Variants in APBA2 observed in about 807,000 individuals in gnomAD.
APBA2 encodes amyloid beta precursor protein binding family A member 2.
Under a neutral mutation model 75.0 loss-of-function variants are expected in APBA2, and 30 were observed. The ratio of observed to expected loss-of-function variants is 0.40; its 90% CI spans 0.30 to 0.54. The LOEUF (loss-of-function observed/expected upper bound fraction) is 0.54. Ranked by LOEUF, APBA2 falls within the 20% of genes least tolerant of loss-of-function variation. The pLI is 0.49. For synonymous variants in APBA2, 444 were observed against 409.6 expected (o/e 1.08, Z -1.01); for missense variants, 801 against 1,016.1 (o/e 0.79, Z 2.88).
At chr15:29,096,206 C>G (rs1360715666) in intron 8 of APBA2, among the ~76,000 whole-genome samples, 1 of 152,226 alleles carries the variant, frequency 6.6e-6, no homozygotes, top group African/African-American at 2.4e-5. Context: ...CATGCCGAGG[C>G]CCACCCTGTG....
At chr15:29,115,842 T>C (rs1449583439) in intron 14 of APBA2, among the ~76,000 whole-genome samples, 1 of 152,154 alleles carries the variant, frequency 6.6e-6, no homozygotes, top group Non-Finnish European at 1.5e-5. Context: ...AGCTGCGCGA[T>C]GTGCCTTTCT....
intron 3 of APBA2, among the ~76,000 whole-genome samples, chr15:29,002,805 G>C (rs543620097): frequency 4.6e-4 from 70 of 152,266 alleles, no homozygotes; most frequent in African/African-American, 1.6e-3. Flanking sequence ...CGTCTTGGTG[G>C]CCGCATACTG....
At chr15:29,006,763 C>T (rs2039138721) in intron 3 of APBA2, among the ~76,000 whole-genome samples, 2 of 152,298 alleles carry the variant, frequency 1.3e-5, no homozygotes, top group South Asian at 4.2e-4. Flanking sequence ...CTACCTGGCC[C>T]CACCCTTGAC....
In APBA2 at chr15:28,918,082, G is replaced by A. The variant is rs1173414024; in HGVS notation, c.-204-3558G>A. On this transcript the variant is annotated intron_variant, in intron 1 of 14. Transcript: ENST00000683413. The surrounding 1 kb of genome is among the most constrained non-coding windows in gnomAD (Gnocchi z 4.2). ...TGCCCAGATAGGGATAAGAATCACC[G>A]CGAGTGTTTGCTGAGCACTTGGGAG... 3.9e-5 allele frequency among the ~76,000 whole-genome samples: 6 copies of A among 152,210 alleles called. No individual in the cohort carries two copies. Among genetic ancestry groups the A allele is most frequent in the Non-Finnish European group, 5.9e-5 (4 of 68,038 alleles).
chr15:29,101,414 T>C (rs2152962415), intron 9 of APBA2, among the ~76,000 whole-genome samples, 185 bp from the exon 10 acceptor site: 1 of 152,206 alleles, frequency 6.6e-6, no homozygotes, highest in Middle Eastern at 3.4e-3. Context: ...ATATTTTTAG[T>C]AGAGATGGGG....
chr15:29,025,927 G>C (rs193230154), intron 3 of APBA2, among the ~76,000 whole-genome samples: 3 of 150,486 alleles, frequency 2.0e-5, no homozygotes, highest in Admixed American at 6.6e-5. Flanking sequence ...CTCCAGCCTG[G>C]GCGACAGAGC....
intron 3 of APBA2, among the ~76,000 whole-genome samples, chr15:29,000,439 T>C (rs894186146): frequency 2.6e-5 from 4 of 152,184 alleles, no homozygotes; most frequent in African/African-American, 9.7e-5. Context: ...AACCCCTGGA[T>C]GTAGGCACAC....
At chr15:29,108,206 C>G in intron 12 of APBA2, 64 bp from the exon 13 acceptor site, 2 of 1,609,906 alleles carry the variant, frequency 1.2e-6, no homozygotes, top group Non-Finnish European at 1.7e-6. Context: ...GCCAGCCTCG[C>G]TCATCCTGGG....
At chr15:28,941,672 G>A (rs1327898704) in intron 2 of APBA2, among the ~76,000 whole-genome samples, 2 of 152,230 alleles carry the variant, frequency 1.3e-5, no homozygotes, top group East Asian at 1.9e-4. Context: ...GCTGGGTCCC[G>A]AGGGCTGGAG....
intron 2 of APBA2, among the ~76,000 whole-genome samples, chr15:28,963,947 C>T (rs1437029569): frequency 2.0e-5 from 3 of 152,146 alleles, no homozygotes; most frequent in Non-Finnish European, 4.4e-5. Flanking sequence ...CTTCATGTAA[C>T]CACCACCACA....
At chr15:29,112,007 C>T (rs1482115355) in intron 13 of APBA2, among the ~76,000 whole-genome samples, 3 of 152,214 alleles carry the variant, frequency 2.0e-5, no homozygotes, top group Non-Finnish European at 4.4e-5. Flanking sequence ...CTGCTGTCCC[C>T]GGCCCTGCAG....
chr15:29,117,385 C>T lies in APBA2; in HGVS notation c.*252C>T. 3.5e-6 allele frequency: 2 copies of T among 566,190 alleles called. No homozygotes were observed. The highest frequency in any genetic ancestry group is 6.3e-6 in the Non-Finnish European group (2 of 315,594). 35.1% of individuals were successfully genotyped at this position (566,190 alleles called of 1,614,324 possible). ...TCCAAGTATTTTGCCACGTTCTGGA[C>T]TGTCTTCTCCCTGCACAAGCCAGGG... On this transcript the variant is annotated 3_prime_UTR_variant, in exon 15 of 15. Coordinates refer to ENST00000683413, the MANE Select transcript of APBA2 (RefSeq NM_001353788.2).
At chr15:28,940,270 T>C (rs2035120050) in intron 2 of APBA2, among the ~76,000 whole-genome samples, 1 of 146,098 alleles carries the variant, frequency 6.8e-6, no homozygotes, top group Non-Finnish European at 1.5e-5. Context: ...CCCAGCACTT[T>C]GGGAGGCCGA....
intron 3 of APBA2, among the ~76,000 whole-genome samples, chr15:29,005,864 A>AAAATAAAT (rs3054523): frequency 2.6e-5 from 4 of 151,320 alleles, no homozygotes; most frequent in Non-Finnish European, 2.9e-5. Flanking sequence ...ACTCTGTCTC[A>AAAATAAAT]AAATAAATAA....
chr15:29,093,109 C>T lies in APBA2; in HGVS notation c.1104C>T (p.Asp368=), dbSNP rs142834940. The change falls in exon 7 of 15, where the codon GAC becomes GAT. Residue 368 remains aspartate (D), a synonymous_variant. Coordinates refer to ENST00000683413, the MANE Select transcript of APBA2 (RefSeq NM_001353788.2). ...PGPCEPEDLI[D]GIIFAANYLG... Reference sequence around the variant, plus strand: ...CCTGCGAACCAGAAGACCTCATCGACGGGATCATCTTTGCTGCCAATTACC... The same window carrying T: ...CCTGCGAACCAGAAGACCTCATCGATGGGATCATCTTTGCTGCCAATTACC... The T allele has an allele frequency of 1.2e-5, 19 of 1,614,136 alleles. No homozygotes were observed. The highest frequency in any genetic ancestry group is 3.3e-4 in the Middle Eastern group (2 of 6,084).
chr15:28,948,284 CAG>C (rs887891313), intron 2 of APBA2, among the ~76,000 whole-genome samples: 6 of 152,100 alleles, frequency 3.9e-5, no homozygotes, highest in Non-Finnish European at 8.8e-5. Context: ...TCTTGCAAGA[CAG>C]AAATTTTCCT....
chr15:28,900,186 G>A (rs1312258390), intron 1 of APBA2, among the ~76,000 whole-genome samples: 2 of 152,214 alleles, frequency 1.3e-5, no homozygotes, highest in Admixed American at 6.5e-5. Flanking sequence ...CTTCTTCCCA[G>A]CCTCCTCCGC....
intron 4 of APBA2, among the ~76,000 whole-genome samples, chr15:29,055,231 G>T (rs2041829451): frequency 6.6e-6 from 1 of 152,202 alleles, no homozygotes; most frequent in Non-Finnish European, 1.5e-5. Context: ...AAAGACGTGG[G>T]GGTGCTGGTG....
intron 2 of APBA2, among the ~76,000 whole-genome samples, chr15:28,936,037 G>A (rs1394567117): frequency 6.6e-6 from 1 of 152,174 alleles, no homozygotes; most frequent in Non-Finnish European, 1.5e-5. Context: ...GAAGAATGAA[G>A]TTTTTTGGCC....
Sources: gnomAD v4.1 joint callset for allele counts (sites outside exome capture counted in the v4.1 genomes callset) on GRCh38, gnomAD v4.1.1 for gene constraint, Gnocchi (gnomAD v3.1) non-coding constraint, MANE v1.5 for transcripts, NCBI Gene and HGNC (gene_info 2026-07-23, HGNC 2026-07-21) for gene names.